The following CDH18 variants were observed in gnomAD, a reference collection of about 807,000 sequenced individuals.
CDH18 encodes cadherin 18.
Under a neutral mutation model 67.9 loss-of-function variants are expected in CDH18, and 31 were observed. The observed-to-expected ratio is 0.46, with a 90% confidence interval of 0.34 to 0.62. The LOEUF (loss-of-function observed/expected upper bound fraction) is 0.62, where lower values mean the gene tolerates loss of function less well. Among genes scored for constraint, CDH18 ranks in the 20% least tolerant of loss-of-function variants. CDH18 has a pLI of 0.01. For missense variants in CDH18, 890 were observed against 975.5 expected (o/e 0.91, Z 1.17); for synonymous variants, 362 against 347.2 (o/e 1.04, Z -0.48).
chr5:19,614,757 A>G (rs2150119920), intron 5 of CDH18, among the ~76,000 whole-genome samples: 1 of 152,314 alleles, frequency 6.6e-6, no homozygotes, highest in East Asian at 1.9e-4. Flanking sequence ...ATGAAATGGG[A>G]AGAAATTTGC....
intron 2 of CDH18, among the ~76,000 whole-genome samples, chr5:20,068,620 G>A (rs982984271): frequency 1.8e-4 from 28 of 152,042 alleles, no homozygotes; most frequent in Middle Eastern, 3.4e-3. Flanking sequence ...TTTTCAATAT[G>A]TTTATATTTA....
chr5:20,446,250 C>A, intron 1 of CDH18, among the ~76,000 whole-genome samples: 1 of 152,120 alleles, frequency 6.6e-6, no homozygotes. Flanking sequence ...TTGCCACAGA[C>A]TTTACCACAA....
chr5:20,190,674 C>T (rs1266183606), intron 2 of CDH18, among the ~76,000 whole-genome samples: 4 of 151,952 alleles, frequency 2.6e-5, no homozygotes, highest in South Asian at 2.1e-4. Flanking sequence ...CACTTATTTC[C>T]GTATATGTAA....
intron 2 of CDH18, among the ~76,000 whole-genome samples, chr5:19,965,906 A>G (rs527933451): frequency 6.6e-6 from 1 of 152,320 alleles, no homozygotes; most frequent in South Asian, 2.1e-4. Flanking sequence ...CACTTACATG[A>G]CAGAGACAGT....
intron 2 of CDH18, among the ~76,000 whole-genome samples, chr5:19,862,324 T>C (rs1452695367): frequency 2.0e-5 from 3 of 152,300 alleles, no homozygotes; most frequent in East Asian, 3.9e-4. Context: ...TTTTGCACTA[T>C]ATTTTATTAT....
chr5:19,597,189 G>A (rs1041552153), intron 6 of CDH18, among the ~76,000 whole-genome samples: 7 of 152,306 alleles, frequency 4.6e-5, no homozygotes, highest in Admixed American at 1.3e-4. Context: ...ATGTGAGTAA[G>A]CTGGAAGCAG....
At position 20,189,163 on chromosome 5, in the gene CDH18, GT is replaced by G. The variant is rs568687853; in HGVS notation, c.-518+66280del. Among the ~76,000 whole-genome samples, 32 of 152,106 alleles carry G rather than the reference GT, an allele frequency of 2.1e-4. No homozygotes were observed. In the South Asian group the frequency reaches 6.4e-3, roughly 31 times the overall value. On this transcript the variant is annotated intron_variant, in intron 2 of 14. Transcript: ENST00000507958. ...TTCTAATTTTCAAGTCACTTTGCCT[GT>G]TTTTTATTTGACTTCTCACTTTTTT...
At chr5:19,569,461 G>T (rs1740990475) in intron 8 of CDH18, among the ~76,000 whole-genome samples, 1 of 152,040 alleles carries the variant, frequency 6.6e-6, no homozygotes, top group Admixed American at 6.6e-5. Context: ...TGGGCCACAG[G>T]GCCCAGGTAT....
At chr5:20,251,979 AAAGT>A (rs575728836) in intron 2 of CDH18, among the ~76,000 whole-genome samples, 80 of 152,352 alleles carry the variant, frequency 5.3e-4, no homozygotes, top group African/African-American at 1.9e-3. Flanking sequence ...TACTTTACAC[AAAGT>A]AAGTTCAAAC....
intron 10 of CDH18, among the ~76,000 whole-genome samples, chr5:19,510,789 T>A (rs347700): frequency 0.21 from 32,036 of 151,226 alleles, 3,669 homozygotes; most frequent in African/African-American, 0.28. Flanking sequence ...TGTTCTCCTG[T>A]TAGTGAGTTC....
chr5:20,349,839 A>C (rs748791187), intron 1 of CDH18, among the ~76,000 whole-genome samples: 1 of 152,146 alleles, frequency 6.6e-6, no homozygotes, highest in Non-Finnish European at 1.5e-5. Flanking sequence ...CAAATTTCTG[A>C]TCTTCTAAGA....
At chr5:20,341,514 G>GA (rs1740260502) in intron 1 of CDH18, among the ~76,000 whole-genome samples, 1 of 143,236 alleles carries the variant, frequency 7.0e-6, no homozygotes. Context: ...ATATATAAAG[G>GA]AAACTCTTTC....
chr5:19,484,395 A>T (rs866174965), intron 11 of CDH18, among the ~76,000 whole-genome samples: 1 of 152,170 alleles, frequency 6.6e-6, no homozygotes, highest in Non-Finnish European at 1.5e-5. Flanking sequence ...CCACAATGTC[A>T]CATTGCCTCA....
At chr5:19,757,426 G>A (rs1369514311) in intron 3 of CDH18, among the ~76,000 whole-genome samples, 3 of 152,194 alleles carry the variant, frequency 2.0e-5, no homozygotes, top group Non-Finnish European at 4.4e-5. Flanking sequence ...AGTGGCTGTA[G>A]CCAGGTCAGC....
intron 4 of CDH18, among the ~76,000 whole-genome samples, chr5:19,726,071 T>C (rs1347108518): frequency 6.6e-6 from 1 of 152,188 alleles, no homozygotes; most frequent in African/African-American, 2.4e-5. Context: ...ATAGGCTAAA[T>C]TGCCACATGA....
At chr5:20,182,213 C>T (rs1467020) in intron 2 of CDH18, among the ~76,000 whole-genome samples, 105,865 of 151,680 alleles carry the variant, frequency 0.7, 37,537 homozygotes, top group African/African-American at 0.84. Context: ...TTTTTTTTTG[C>T]TTTCATATCA....
chr5:20,105,890 T>C (rs1326460865), intron 2 of CDH18, among the ~76,000 whole-genome samples: 1 of 152,200 alleles, frequency 6.6e-6, no homozygotes, highest in Non-Finnish European at 1.5e-5. Context: ...GTGGAAAGTA[T>C]CTCTTTGAGT....
At chr5:19,652,234 G>A (rs192638783) in intron 5 of CDH18, among the ~76,000 whole-genome samples, 158 of 152,034 alleles carry the variant, frequency 1.0e-3, no homozygotes, top group African/African-American at 3.2e-3. Context: ...GTTATTAGGT[G>A]TGTCTAATTT....
intron 3 of CDH18, among the ~76,000 whole-genome samples, chr5:19,814,705 C>T (rs1216662263): frequency 6.6e-6 from 1 of 151,860 alleles, no homozygotes; most frequent in Non-Finnish European, 1.5e-5. Flanking sequence ...TACTCATTTT[C>T]ATTTTTTATT....
Sources: allele counts gnomAD v4.1 joint callset (sites outside exome capture counted in the v4.1 genomes callset), GRCh38; gene constraint gnomAD v4.1.1; transcripts MANE v1.5; gene names NCBI Gene and HGNC (gene_info 2026-07-23, HGNC 2026-07-21).